PDE1C: variants seen among roughly 807,000 people sequenced by gnomAD.
PDE1C encodes the protein phosphodiesterase 1C, also known as dual specificity calcium/calmodulin-dependent 3',5'-cyclic nucleotide phosphodiesterase 1C.
Under a neutral mutation model 93.1 loss-of-function variants are expected in PDE1C, and 62 were observed. That is an observed-to-expected ratio of 0.67 (90% CI 0.54 to 0.82). PDE1C has a LOEUF of 0.82. Among genes scored for constraint, PDE1C ranks in the 40% least tolerant of loss-of-function variants. The pLI, the probability that PDE1C is intolerant of heterozygous loss-of-function variation, is 0.00. For missense variants in PDE1C, 742 were observed against 884.6 expected (o/e 0.84, Z 2.04); for synonymous variants, 325 against 310.1 (o/e 1.05, Z -0.50).
intron 1 of PDE1C, among the ~76,000 whole-genome samples, chr7:32,316,024 A>T (rs1783163527): frequency 6.6e-6 from 1 of 152,224 alleles, no homozygotes; most frequent in South Asian, 2.1e-4. Context: ...TTTATAATTT[A>T]AGATAAATAT....
chr7:31,652,569 C>T, the PDE1C span: 1 of 1,610,840 alleles, frequency 6.2e-7, no homozygotes, highest in Admixed American at 1.7e-5. Flanking sequence ...AAATCTGCAT[C>T]AATATAACTG....
At chr7:32,285,637 G>A (rs901150194) in intron 1 of PDE1C, among the ~76,000 whole-genome samples, 1 of 151,136 alleles carries the variant, frequency 6.6e-6, no homozygotes, top group African/African-American at 2.4e-5. Flanking sequence ...CCTCAATAAA[G>A]CTGAAGAAAG....
At chr7:32,135,847 A>G (rs573850492) in intron 3 of PDE1C, among the ~76,000 whole-genome samples, 1 of 152,216 alleles carries the variant, frequency 6.6e-6, no homozygotes, top group Non-Finnish European at 1.5e-5. Context: ...TCTTCACTAC[A>G]GCCAAGATAT....
chr7:32,112,637 T>G (rs201641271), intron 3 of PDE1C, among the ~76,000 whole-genome samples: 1 of 139,910 alleles, frequency 7.1e-6, no homozygotes, highest in East Asian at 2.0e-4. Flanking sequence ...TTTTTTTTTT[T>G]AGAGATGGGA....
At chr7:31,812,070 G>A (rs1787622715) in intron 15 of PDE1C, among the ~76,000 whole-genome samples, 1 of 152,126 alleles carries the variant, frequency 6.6e-6, no homozygotes, top group African/African-American at 2.4e-5. Flanking sequence ...GGAAGTGAAA[G>A]AGACTTTCTG....
At chr7:31,652,786 C>G in the PDE1C span, 1 of 1,613,750 alleles carries the variant, frequency 6.2e-7, no homozygotes, top group East Asian at 2.2e-5. Context: ...ACCCCTTTGT[C>G]AAATTGTCCT....
the PDE1C span, among the ~76,000 whole-genome samples, chr7:31,663,170 G>C: frequency 6.6e-6 from 1 of 152,076 alleles, no homozygotes; most frequent in African/African-American, 2.4e-5. Context: ...CCTGGCTCTG[G>C]CTAGAAAACT....
chr7:31,668,795 G>A, the PDE1C span, among the ~76,000 whole-genome samples: 1 of 92,634 alleles, frequency 1.1e-5, no homozygotes, highest in Non-Finnish European at 2.3e-5. Flanking sequence ...CTAAAAACCA[G>A]TACATTGTTC....
chr7:32,348,356 CTTTTTTTTTTTTTTT>C (rs59148183), intron 1 of PDE1C, among the ~76,000 whole-genome samples: 1 of 57,314 alleles, frequency 1.7e-5, no homozygotes. Flanking sequence ...AACAAATGTG[CTTTTTTTTTTTTTTT>C]TTTTTTTTTT....
chr7:31,820,722 G>A (rs1788853331), intron 14 of PDE1C: 1 of 152,130 alleles, frequency 6.6e-6, no homozygotes, highest in Admixed American at 6.6e-5. Flanking sequence ...ATTAGCACCA[G>A]TCAACCAGTC....
At chr7:31,904,166 G>A (rs1014862972) in intron 2 of PDE1C, among the ~76,000 whole-genome samples, 8 of 151,962 alleles carry the variant, frequency 5.3e-5, no homozygotes, top group Admixed American at 1.3e-4. Context: ...GCAGCCTTTC[G>A]GAAAATGCCT....
At chr7:32,211,830 T>A (rs1217870784) in intron 1 of PDE1C, among the ~76,000 whole-genome samples, 1 of 151,814 alleles carries the variant, frequency 6.6e-6, no homozygotes, top group Non-Finnish European at 1.5e-5. Context: ...GAGACCAGCC[T>A]GGGCAACATA....
intron 3 of PDE1C, among the ~76,000 whole-genome samples, chr7:32,092,336 C>T (rs1374888747): frequency 6.6e-6 from 1 of 152,166 alleles, no homozygotes; most frequent in East Asian, 1.9e-4. Flanking sequence ...CTCTCCTGCA[C>T]TACTGGATGC....
At chr7:31,801,873 T>A (rs1339672804) in intron 16 of PDE1C, among the ~76,000 whole-genome samples, 1 of 151,466 alleles carries the variant, frequency 6.6e-6, no homozygotes, top group Non-Finnish European at 1.5e-5. Context: ...TGTGTCCTTT[T>A]TTGATTGTTT....
At chr7:32,369,336 A>G (rs1308128399) in intron 1 of PDE1C, among the ~76,000 whole-genome samples, 3 of 152,238 alleles carry the variant, frequency 2.0e-5, no homozygotes, top group Non-Finnish European at 2.9e-5. Flanking sequence ...AAAAGATTGG[A>G]ACAGAAATTT....
intron 1 of PDE1C, among the ~76,000 whole-genome samples, chr7:32,288,628 A>T (rs1026721849): frequency 1.3e-5 from 2 of 152,204 alleles, no homozygotes; most frequent in Non-Finnish European, 2.9e-5. Context: ...TTCCTCTCCA[A>T]TATTAACTGA....
chr7:32,297,133 G>A (rs1167050842), intron 1 of PDE1C, among the ~76,000 whole-genome samples: 1 of 152,168 alleles, frequency 6.6e-6, no homozygotes, highest in African/African-American at 2.4e-5. Flanking sequence ...GAACAGCCTA[G>A]GCAAAGGCTC....
chr7:31,637,393 C>T, the PDE1C span, among the ~76,000 whole-genome samples: 1 of 152,234 alleles, frequency 6.6e-6, no homozygotes, highest in East Asian at 1.9e-4. Flanking sequence ...TCCTCTCCAG[C>T]ACCTGTTGTT....
intron 2 of PDE1C, among the ~76,000 whole-genome samples, chr7:32,025,220 A>C (rs1789255762): frequency 6.6e-6 from 1 of 152,128 alleles, no homozygotes; most frequent in African/African-American, 2.4e-5. Flanking sequence ...TGGCTGAGTA[A>C]AATTTACCTT....
Sources: gnomAD v4.1 joint callset for allele counts (sites outside exome capture counted in the v4.1 genomes callset) on GRCh38, gnomAD v4.1.1 for gene constraint, MANE v1.5 for transcripts, NCBI Gene and HGNC (gene_info 2026-07-23, HGNC 2026-07-21) for gene names.